The following SH3BGRL2 variants were observed in gnomAD, a reference collection of about 807,000 sequenced individuals.
SH3BGRL2 encodes SH3 domain binding glutamate rich protein like 2.
In SH3BGRL2, 21 loss-of-function variants were observed where a neutral mutation model predicts 14.8. The observed-to-expected ratio is 1.42, with a 90% confidence interval of 1.01 to 2.05. The LOEUF is 2.05. Ranked by LOEUF, SH3BGRL2 falls within the 30% of genes most tolerant of loss-of-function variation. The pLI, the probability that SH3BGRL2 is intolerant of heterozygous loss-of-function variation, is 0.00. For missense variants in SH3BGRL2, 147 were observed against 130.8 expected (o/e 1.12, Z -0.61); for synonymous variants, 50 against 47.8 (o/e 1.05, Z -0.19).
chr6:79,699,235 T>A (rs1031516327), intron 3 of SH3BGRL2, among the ~76,000 whole-genome samples: 4 of 152,122 alleles, frequency 2.6e-5, no homozygotes, highest in Admixed American at 2.6e-4. Flanking sequence ...ACAGTACCTC[T>A]GAGAGGAATC....
chr6:79,687,794 C>T (rs1213741799), intron 2 of SH3BGRL2, among the ~76,000 whole-genome samples: 1 of 152,196 alleles, frequency 6.6e-6, no homozygotes, highest in Non-Finnish European at 1.5e-5. Context: ...TACTTGGGCT[C>T]ATTTAGAACT....
At chr6:79,579,885 G>C in the SH3BGRL2 span, among the ~76,000 whole-genome samples, 1 of 152,162 alleles carries the variant, frequency 6.6e-6, no homozygotes, top group African/African-American at 2.4e-5. Context: ...TCATCAGTTT[G>C]CTGTATTCAG....
chr6:79,696,399 T>A (rs942291447), intron 2 of SH3BGRL2, 86 bp from the exon 3 acceptor site: 2 of 990,722 alleles, frequency 2.0e-6, no homozygotes, highest in African/African-American at 3.4e-5. Context: ...CATTTTTTAC[T>A]TCCATAAAGA....
At chr6:79,686,711 C>G (rs1336953799) in intron 2 of SH3BGRL2, among the ~76,000 whole-genome samples, 1 of 152,114 alleles carries the variant, frequency 6.6e-6, no homozygotes, top group East Asian at 1.9e-4. Flanking sequence ...TAAGTTATCT[C>G]TATGTTCTCC....
intron 2 of SH3BGRL2, among the ~76,000 whole-genome samples, chr6:79,675,259 G>A (rs938965905): frequency 2.0e-5 from 3 of 152,186 alleles, no homozygotes; most frequent in African/African-American, 7.2e-5. Context: ...TCTGGGTACA[G>A]AATTCTAGGT....
the SH3BGRL2 span, among the ~76,000 whole-genome samples, chr6:79,596,274 T>C: frequency 6.6e-6 from 1 of 152,184 alleles, no homozygotes; most frequent in African/African-American, 2.4e-5. Context: ...TCCTCCCACC[T>C]CAGCACCTCC....
intron 2 of SH3BGRL2, among the ~76,000 whole-genome samples, chr6:79,674,013 G>A (rs952262773): frequency 6.6e-6 from 1 of 152,064 alleles, no homozygotes; most frequent in Non-Finnish European, 1.5e-5. Flanking sequence ...GTATGTGAAT[G>A]TAAGTGCACG....
intron 1 of SH3BGRL2, among the ~76,000 whole-genome samples, chr6:79,634,955 G>A (rs1768894736): frequency 6.6e-6 from 1 of 152,144 alleles, no homozygotes; most frequent in Non-Finnish European, 1.5e-5. Flanking sequence ...GCTCAAGCTG[G>A]AAAGGGGGAG....
chr6:79,564,872 TCTC>T, the SH3BGRL2 span, among the ~76,000 whole-genome samples: 1 of 152,182 alleles, frequency 6.6e-6, no homozygotes, highest in Non-Finnish European at 1.5e-5. Context: ...TCCTGGTACA[TCTC>T]CTGCTGCTTC....
intron 2 of SH3BGRL2, among the ~76,000 whole-genome samples, chr6:79,676,983 C>T (rs1349785771): frequency 6.6e-6 from 1 of 152,026 alleles, no homozygotes; most frequent in African/African-American, 2.4e-5. Context: ...CGGTGTTAGT[C>T]CTGTGGTGGT....
At chr6:79,540,251 A>T in the SH3BGRL2 span, among the ~76,000 whole-genome samples, 4 of 151,986 alleles carry the variant, frequency 2.6e-5, no homozygotes, top group African/African-American at 9.7e-5. Flanking sequence ...TGGCTAACAC[A>T]GTAAAACCCT....
intron 1 of SH3BGRL2, among the ~76,000 whole-genome samples, chr6:79,662,484 T>C (rs138883551): frequency 1.5e-3 from 227 of 152,314 alleles, no homozygotes; most frequent in Non-Finnish European, 2.8e-3. Context: ...CCCACTCTCA[T>C]CCGACTTGTA....
Position 79,701,481 on chromosome 6 carries a change from A to T in SH3BGRL2, c.*1972A>T, listed in dbSNP as rs544287133. 8 of 152,284 alleles carry T rather than the reference A, an allele frequency of 5.3e-5. No homozygotes were observed. The highest frequency in any genetic ancestry group is 4.6e-4 in the Admixed American group (7 of 15,288). The allele number at this position is 152,284 out of a possible 1,614,324, so 9.4% of individuals were successfully genotyped here. ...CCATACTTGCTAGACAAAGCTACCC[A>T]GATTTGTCTTATATTATAATTTTTG... On this transcript the variant is annotated 3_prime_UTR_variant, in exon 4 of 4. Coordinates refer to ENST00000369838, the MANE Select transcript of SH3BGRL2 (RefSeq NM_031469.4).
chr6:79,669,366 C>G (rs989309861), intron 1 of SH3BGRL2, among the ~76,000 whole-genome samples: 5 of 151,878 alleles, frequency 3.3e-5, no homozygotes, highest in African/African-American at 1.2e-4. Context: ...ATCTCACAGG[C>G]CTTTCTACCT....
intron 3 of SH3BGRL2, among the ~76,000 whole-genome samples, chr6:79,698,714 T>C (rs1770382180): frequency 6.6e-6 from 1 of 151,592 alleles, no homozygotes; most frequent in African/African-American, 2.4e-5. Flanking sequence ...TTTTAAAGTA[T>C]GTAAATATTA....
intron 1 of SH3BGRL2, among the ~76,000 whole-genome samples, chr6:79,652,792 T>C (rs1769322555): frequency 6.6e-6 from 1 of 152,148 alleles, no homozygotes; most frequent in African/African-American, 2.4e-5. Context: ...TGTAACACTA[T>C]GTAACGTTCT....
At chr6:79,614,536 AAGG>A in the SH3BGRL2 span, among the ~76,000 whole-genome samples, 2 of 152,154 alleles carry the variant, frequency 1.3e-5, no homozygotes, top group Admixed American at 1.3e-4. Context: ...GGGTGCTCCT[AAGG>A]AGGACACCCT....
intron 1 of SH3BGRL2, among the ~76,000 whole-genome samples, chr6:79,663,783 A>G (rs1388823610): frequency 6.6e-6 from 1 of 152,220 alleles, no homozygotes; most frequent in Non-Finnish European, 1.5e-5. Flanking sequence ...GGTGGAGTCT[A>G]TAGAGGCTGT....
At chr6:79,632,079 T>G (rs1487570169) in intron 1 of SH3BGRL2, among the ~76,000 whole-genome samples, 1 of 152,172 alleles carries the variant, frequency 6.6e-6, no homozygotes, top group African/African-American at 2.4e-5. Context: ...TCACTGTCAT[T>G]TTTTTTCTTA....
Sources: allele counts gnomAD v4.1 joint callset (sites outside exome capture counted in the v4.1 genomes callset), GRCh38; gene constraint gnomAD v4.1.1; transcripts MANE v1.5; gene names NCBI Gene and HGNC (gene_info 2026-07-23, HGNC 2026-07-21).